NCAM1: variants seen among roughly 807,000 people sequenced by gnomAD.
NCAM1 encodes the protein antigen recognized by monoclonal antibody 5.1H11.
Under a neutral mutation model 109.8 loss-of-function variants are expected in NCAM1, and 14 were observed. The observed-to-expected ratio is 0.13, with a 90% confidence interval of 0.08 to 0.20. The LOEUF is 0.20. Ranked by LOEUF, NCAM1 falls within the 10% of genes least tolerant of loss-of-function variation. The probability of loss-of-function intolerance (pLI) is 1.00; values close to 1 mark genes in which losing one functional copy is unlikely to be tolerated. For synonymous variants in NCAM1, 418 were observed against 442.9 expected (o/e 0.94, Z 0.70); for missense variants, 774 against 1,109.9 (o/e 0.70, Z 4.30).
chr11:113,144,128 G>A (rs186062236), intron 1 of NCAM1, among the ~76,000 whole-genome samples: 264 of 152,304 alleles, frequency 1.7e-3, no homozygotes, highest in Middle Eastern at 3.4e-3. Flanking sequence ...CCTGCCAGTA[G>A]TCTGGGTGTC....
intron 1 of NCAM1, among the ~76,000 whole-genome samples, chr11:112,989,490 C>T (rs1293876022): frequency 6.6e-6 from 1 of 152,072 alleles, no homozygotes; most frequent in African/African-American, 2.4e-5. Context: ...TTATTTATTA[C>T]ATTTCTTATT....
chr11:113,166,997 T>C (rs1310323297), intron 1 of NCAM1, among the ~76,000 whole-genome samples: 7 of 152,202 alleles, frequency 4.6e-5, no homozygotes, highest in Non-Finnish European at 1.0e-4. Context: ...TTCTGGCTCT[T>C]TGGGATTTGG....
At chr11:112,977,104 C>G (rs1433257069) in intron 1 of NCAM1, among the ~76,000 whole-genome samples, 4 of 74,014 alleles carry the variant, frequency 5.4e-5, no homozygotes, top group Non-Finnish European at 1.1e-4. Context: ...TTTGCTTTTT[C>G]TTGGAAACTT....
intron 1 of NCAM1, among the ~76,000 whole-genome samples, chr11:113,185,079 T>TATATATATAGAGAGAGAGAGAGAG: frequency 1.6e-4 from 20 of 125,734 alleles, no homozygotes; most frequent in Non-Finnish European, 2.0e-4. Context: ...TATATATATA[T>TATATATATAGAGAGAGAGAGAGAG]AGAGAGAGAG....
At chr11:113,246,068 G>T in intron 14 of NCAM1, 1 of 483,222 alleles carries the variant, frequency 2.1e-6, no homozygotes, top group Non-Finnish European at 3.7e-6. Context: ...AATGCTTATT[G>T]GTGTTGTTAA....
chr11:113,012,236 C>A (rs1555074643), intron 1 of NCAM1, among the ~76,000 whole-genome samples: 3 of 152,070 alleles, frequency 2.0e-5, no homozygotes, highest in Admixed American at 1.3e-4. Context: ...CCAGGCTGGT[C>A]TTGAACTCCT....
At chr11:112,980,179 A>G (rs1001343319) in intron 1 of NCAM1, among the ~76,000 whole-genome samples, 6 of 151,792 alleles carry the variant, frequency 4.0e-5, no homozygotes, top group Admixed American at 2.0e-4. Flanking sequence ...CTAGAATCAA[A>G]AAGACAGGTA....
intron 1 of NCAM1, among the ~76,000 whole-genome samples, chr11:112,984,632 T>A (rs7128707): frequency 0.26 from 39,349 of 151,776 alleles, 5,599 homozygotes; most frequent in East Asian, 0.53. Flanking sequence ...TTGATTTGTA[T>A]TTTTCTAATA....
intron 1 of NCAM1, among the ~76,000 whole-genome samples, chr11:113,193,406 G>C (rs1418116523): frequency 3.9e-5 from 6 of 152,196 alleles, no homozygotes; most frequent in African/African-American, 9.6e-5. Context: ...AGCACTTCGA[G>C]AGGCCGAGGC....
At chr11:113,151,708 G>T (rs1555102474) in intron 1 of NCAM1, among the ~76,000 whole-genome samples, 1 of 152,248 alleles carries the variant, frequency 6.6e-6, no homozygotes, top group East Asian at 1.9e-4. Context: ...AGCTTTTAAT[G>T]CAGGGGCAAG....
intron 1 of NCAM1, among the ~76,000 whole-genome samples, chr11:113,019,125 C>T (rs1040294694): frequency 1.3e-5 from 2 of 152,116 alleles, no homozygotes; most frequent in African/African-American, 2.4e-5. Context: ...TGTCACTATA[C>T]TGACAGCTGT....
chr11:113,064,224 A>G (rs1312213539), intron 1 of NCAM1, among the ~76,000 whole-genome samples: 1 of 152,154 alleles, frequency 6.6e-6, no homozygotes, highest in Non-Finnish European at 1.5e-5. Flanking sequence ...TTTCTTCCTC[A>G]CTGTGACGAG....
At chr11:113,154,833 G>T (rs887126865) in intron 1 of NCAM1, among the ~76,000 whole-genome samples, 6 of 152,176 alleles carry the variant, frequency 3.9e-5, no homozygotes, top group African/African-American at 1.4e-4. Context: ...CAAAGAAGAA[G>T]GTGCACCTAG....
rs188415112 is a variant in NCAM1, at chr11:113,246,333, A to G, written c.1826-35A>G. On this transcript the variant is annotated intron_variant, in intron 14 of 19. Coordinates refer to ENST00000316851, the MANE Select transcript of NCAM1 (RefSeq NM_181351.5). Reference sequence around the variant, plus strand: ...CATGTGACTTTGTCATGTGGCTTGCATGGTGCTGATGATGTCGTCCACGCT... The same window carrying G: ...CATGTGACTTTGTCATGTGGCTTGCGTGGTGCTGATGATGTCGTCCACGCT... The G allele has an allele frequency of 1.2e-5, 9 of 735,946 alleles. No homozygotes were observed. In the Admixed American group the frequency reaches 1.6e-4, roughly 13 times the overall value. 45.6% of individuals were successfully genotyped at this position (735,946 alleles called of 1,614,324 possible).
chr11:113,088,936 G>A (rs1245109), intron 1 of NCAM1, among the ~76,000 whole-genome samples: 126,311 of 152,208 alleles, frequency 0.83, 52,755 homozygotes, highest in African/African-American at 0.93. Context: ...AACAGTATGC[G>A]TTAAAAATGT....
chr11:113,227,219 A>G (rs1944878154), intron 9 of NCAM1, among the ~76,000 whole-genome samples: 1 of 151,758 alleles, frequency 6.6e-6, no homozygotes. Context: ...AGAAGAATCA[A>G]ATAGATGCAA....
intron 1 of NCAM1, among the ~76,000 whole-genome samples, chr11:113,199,655 G>T (rs1943975300): frequency 6.6e-6 from 1 of 151,258 alleles, no homozygotes; most frequent in Non-Finnish European, 1.5e-5. Context: ...ACGGGGGAGG[G>T]ATAGCATTAG....
At chr11:113,227,178 CCACTAG>C (rs1485681367) in intron 9 of NCAM1, among the ~76,000 whole-genome samples, 1 of 151,774 alleles carries the variant, frequency 6.6e-6, no homozygotes, top group Admixed American at 6.6e-5. Flanking sequence ...CATTGACAGA[CCACTAG>C]CAAGACTAAT....
intron 1 of NCAM1, among the ~76,000 whole-genome samples, chr11:113,064,862 A>G (rs1232172392): frequency 6.6e-6 from 1 of 152,232 alleles, no homozygotes; most frequent in African/African-American, 2.4e-5. Context: ...AATATAGATC[A>G]AGATGGTTTC....
Sources: allele counts gnomAD v4.1 joint callset (sites outside exome capture counted in the v4.1 genomes callset), GRCh38; gene constraint gnomAD v4.1.1; transcripts MANE v1.5; gene names NCBI Gene and HGNC (gene_info 2026-07-23, HGNC 2026-07-21).